TMEM154: variants seen among roughly 807,000 people sequenced by gnomAD.
TMEM154 encodes transmembrane protein 154.
Under a neutral mutation model 24.5 loss-of-function variants are expected in TMEM154, and 27 were observed. The observed-to-expected ratio is 1.10, with a 90% confidence interval of 0.81 to 1.52. The LOEUF (loss-of-function observed/expected upper bound fraction) is 1.52. Among genes scored for constraint, TMEM154 ranks in the 40% most tolerant of loss-of-function variants. TMEM154 has a pLI of 0.00. For synonymous variants in TMEM154, 67 were observed against 76.8 expected (o/e 0.87, Z 0.67); for missense variants, 228 against 213.4 (o/e 1.07, Z -0.43).
intron 1 of TMEM154, chr4:152,666,467 C>G (rs940197078): frequency 7.2e-5 from 11 of 151,840 alleles, no homozygotes; most frequent in Non-Finnish European, 1.2e-4. Context: ...TCCACAGAAG[C>G]CTTTGGGAAC....
intron 3 of TMEM154, among the ~76,000 whole-genome samples, chr4:152,646,231 C>T (rs1441922772): frequency 1.3e-5 from 2 of 152,186 alleles, no homozygotes; most frequent in Non-Finnish European, 2.9e-5. Flanking sequence ...TCCGGGTTCC[C>T]CACAGGCTTC....
intron 3 of TMEM154, among the ~76,000 whole-genome samples, chr4:152,647,481 T>C (rs1181049643): frequency 2.0e-5 from 3 of 152,198 alleles, no homozygotes; most frequent in African/African-American, 7.2e-5. Flanking sequence ...CAAATAAAAC[T>C]CTCCATCAAA....
At chr4:152,667,695 G>T (rs1021963074) in intron 1 of TMEM154, among the ~76,000 whole-genome samples, 1 of 152,380 alleles carries the variant, frequency 6.6e-6, no homozygotes, top group South Asian at 2.1e-4. Context: ...ATGGCAGCTT[G>T]TAAGTGCAGA....
In TMEM154 at chr4:152,640,462, T is replaced by G. The variant is rs114472037; in HGVS notation, c.536+466A>C. Among the ~76,000 whole-genome samples the G allele has an allele frequency of 1.8e-3, 271 of 152,284 alleles. 1 individual carries two copies. The highest frequency in any genetic ancestry group is 6.4e-3 in the African/African-American group (264 of 41,552). ...ACACCCAAACCCCAAAGCACTAAAA[T>G]TTTTCTATCAACCAGAGCCACCTAG... is the stretch of plus-strand genomic sequence containing the variant. On this transcript the variant is annotated intron_variant, in intron 6 of 6. Transcript: ENST00000304385.
intron 5 of TMEM154, among the ~76,000 whole-genome samples, chr4:152,641,903 CTTTTTTTTT>C (rs780465309): frequency 1.7e-4 from 7 of 41,478 alleles, no homozygotes; most frequent in African/African-American, 3.2e-4. Context: ...AGCAATAATT[CTTTTTTTTT>C]TTTTTTTTTT....
Position 152,628,531 on chromosome 4 carries a change from G to A in TMEM154, c.*15C>T, listed in dbSNP as rs376680118. 25 of 1,085,278 alleles carry A rather than the reference G, an allele frequency of 2.3e-5. No individual in the cohort carries two copies. Among genetic ancestry groups the A allele is most frequent in the Non-Finnish European group, 3.1e-5 (25 of 798,280 alleles). 67.2% of individuals were successfully genotyped at this position (1,085,278 alleles called of 1,614,324 possible). A position where few individuals can be genotyped will look rare whatever the true frequency, so the allele number is the denominator to read the frequency against. On this transcript the variant is annotated 3_prime_UTR_variant, in exon 7 of 7. Transcript: ENST00000304385. ...AGGGGCTGCTTCTCTTGGAAAACAT[G>A]AGCGCCATTCAGGTTTAGGATTCAC...
chr4:152,672,191 C>T (rs766520939), intron 1 of TMEM154, among the ~76,000 whole-genome samples: 39 of 151,724 alleles, frequency 2.6e-4, no homozygotes, highest in Non-Finnish European at 4.3e-4. Flanking sequence ...TGCTTGAACC[C>T]AGAGGCTTGA....
chr4:152,679,526 T>A (rs1418631282), intron 1 of TMEM154, among the ~76,000 whole-genome samples: 1 of 88,198 alleles, frequency 1.1e-5, no homozygotes, highest in East Asian at 4.8e-4. Flanking sequence ...TTCAGCCAAT[T>A]GAAGCTTTTG....
chr4:152,633,438 G>A (rs1031230030), intron 6 of TMEM154, among the ~76,000 whole-genome samples: 1 of 152,130 alleles, frequency 6.6e-6, no homozygotes, highest in Admixed American at 6.5e-5. Context: ...TATGTTTCCT[G>A]CTGTCTTTTT....
chr4:152,641,047 C>A, intron 5 of TMEM154, 62 bp from the exon 6 acceptor site: 2 of 1,507,322 alleles, frequency 1.3e-6, no homozygotes, highest in Non-Finnish European at 9.1e-7. Context: ...TATCCACAAA[C>A]CTGATACAGT....
intron 1 of TMEM154, among the ~76,000 whole-genome samples, chr4:152,665,033 A>G (rs1200136402): frequency 6.6e-6 from 1 of 152,182 alleles, no homozygotes; most frequent in Non-Finnish European, 1.5e-5. Flanking sequence ...TCACTGAGGC[A>G]TCTTTCAATA....
intron 3 of TMEM154, 127 bp downstream of exon 3, chr4:152,652,411 A>C: frequency 7.0e-7 from 1 of 1,425,400 alleles, no homozygotes; most frequent in African/African-American, 1.5e-5. Context: ...ACTTCTGGAA[A>C]ATTTCATTGA....
chr4:152,671,472 G>T (rs1003127794), intron 1 of TMEM154, among the ~76,000 whole-genome samples: 28 of 152,242 alleles, frequency 1.8e-4, no homozygotes, highest in African/African-American at 6.5e-4. Context: ...CCTAGGCCGG[G>T]CGCGGTGGCT....
At position 152,626,491 on chromosome 4, in the gene TMEM154, A is replaced by T. The variant is rs1751923778; in HGVS notation, c.*2055T>A. On this transcript the variant is annotated 3_prime_UTR_variant, in exon 7 of 7. Transcript: ENST00000304385. ...TTCATATACCCTGACAGAATAAACT[A>T]TCTTTTTAAAAAGTGCTTTGTACAC... is the stretch of plus-strand genomic sequence containing the variant. The T allele has an allele frequency of 6.6e-6, 1 of 152,244 alleles. No individual in the cohort carries two copies. The highest frequency in any genetic ancestry group is 6.5e-5 in the Admixed American group (1 of 15,288). 9.4% of individuals were successfully genotyped at this position (152,244 alleles called of 1,614,324 possible).
At chr4:152,632,029 G>A (rs1414061882) in intron 6 of TMEM154, among the ~76,000 whole-genome samples, 6 of 151,446 alleles carry the variant, frequency 4.0e-5, no homozygotes, top group Non-Finnish European at 4.4e-5. Context: ...GGATGGTCTC[G>A]ATCTCCTGAC....
At chr4:152,656,661 C>T (rs112483964) in intron 1 of TMEM154, among the ~76,000 whole-genome samples, 6 of 152,250 alleles carry the variant, frequency 3.9e-5, no homozygotes, top group South Asian at 2.1e-4. Context: ...GTGGCTCATG[C>T]CTGTAATCCC....
intron 6 of TMEM154, among the ~76,000 whole-genome samples, chr4:152,632,965 A>G (rs1321122884): frequency 6.6e-6 from 1 of 152,066 alleles, no homozygotes; most frequent in African/African-American, 2.4e-5. Flanking sequence ...GGCCTGACAC[A>G]CAGACACATG....
chr4:152,665,026 C>G (rs776183203), intron 1 of TMEM154, among the ~76,000 whole-genome samples: 4 of 152,172 alleles, frequency 2.6e-5, no homozygotes, highest in Non-Finnish European at 5.9e-5. Flanking sequence ...CATAGAATCA[C>G]TGAGGCATCT....
At chr4:152,663,347 C>T (rs1369159263) in intron 1 of TMEM154, among the ~76,000 whole-genome samples, 3 of 152,180 alleles carry the variant, frequency 2.0e-5, no homozygotes, top group Non-Finnish European at 4.4e-5. Flanking sequence ...AGAGGTAAAA[C>T]TAGCAAAGCT....
Sources: allele counts gnomAD v4.1 joint callset (sites outside exome capture counted in the v4.1 genomes callset), GRCh38; gene constraint gnomAD v4.1.1; transcripts MANE v1.5; gene names NCBI Gene and HGNC (gene_info 2026-07-23, HGNC 2026-07-21).